MGMT: variants seen among roughly 807,000 people sequenced by gnomAD.
MGMT encodes the protein O-6-methylguanine-DNA methyltransferase.
Under a neutral mutation model 15.9 loss-of-function variants are expected in MGMT, and 14 were observed. The ratio of observed to expected loss-of-function variants is 0.88; its 90% CI spans 0.58 to 1.37. The LOEUF is 1.37. Ranked by LOEUF, MGMT falls within the 40% of genes most tolerant of loss-of-function variation. The pLI, the probability that MGMT is intolerant of heterozygous loss-of-function variation, is 0.00. For synonymous variants in MGMT, 130 were observed against 118.2 expected, an observed-to-expected ratio of 1.10 and a Z score of -0.65; for missense variants, 282 against 268.1, an observed-to-expected ratio of 1.05 and a Z score of -0.36.
At chr10:129,536,929 G>A (rs1322652725) in intron 2 of MGMT, 1 of 152,288 alleles carries the variant, frequency 6.6e-6, no homozygotes, top group East Asian at 1.9e-4. Flanking sequence ...CTGCCAGGGG[G>A]AAGGGCCCGA....
At position 129,766,863 on chromosome 10, in the gene MGMT, G is replaced by A. The variant is rs373120552; in HGVS notation, c.490G>A (p.Val164Met). Residue 164 changes from valine (V) to methionine (M), a missense_variant, in exon 5 of 5, where the codon GTG becomes ATG. Coordinates refer to ENST00000651593, the MANE Select transcript of MGMT (RefSeq NM_002412.5). ...AVGNYSGGLA[V>M]KEWLLAHEGH... ...GGGCAACTACTCCGGAGGACTGGCC[G>A]TGAAGGAATGGCTTCTGGCCCATGA... is the stretch of plus-strand genomic sequence containing the variant. 3.7e-5 allele frequency: 60 copies of A among 1,613,690 alleles called. No homozygotes were observed. Among genetic ancestry groups the A allele is most frequent in the African/African-American group, 1.5e-4 (11 of 74,954 alleles).
At chr10:129,747,899 T>G (rs1487402326) in intron 3 of MGMT, among the ~76,000 whole-genome samples, 3 of 152,192 alleles carry the variant, frequency 2.0e-5, no homozygotes, top group African/African-American at 7.2e-5. Context: ...TTCTCATGAT[T>G]TGACTGGAGT....
intron 2 of MGMT, among the ~76,000 whole-genome samples, chr10:129,673,394 T>C (rs1847747611): frequency 6.6e-6 from 1 of 152,228 alleles, no homozygotes; most frequent in Admixed American, 6.5e-5. Context: ...AGCATTTCTC[T>C]GCAACAAGCA....
chr10:129,594,910 C>A (rs907488938), intron 2 of MGMT, among the ~76,000 whole-genome samples: 1 of 152,210 alleles, frequency 6.6e-6, no homozygotes, highest in Admixed American at 6.5e-5. Flanking sequence ...TGCCGGCACA[C>A]CCGTCACGCC....
chr10:129,628,338 A>C (rs183304508), intron 2 of MGMT, among the ~76,000 whole-genome samples: 25 of 152,366 alleles, frequency 1.6e-4, no homozygotes, highest in African/African-American at 6.0e-4. Context: ...ACTAGGAAGA[A>C]GTTCCAGTGA....
rs1845391912 is a variant in MGMT at position 129,484,790 on chromosome 10, CATG to C, written c.-13+17495_-13+17497del. ...AATTGTTTGTATCCTTTCAAGGTAT[CATG>C]CTTTTTTTAAAAAAAGGTTTTGTTA... is the stretch of plus-strand genomic sequence containing the variant. On this transcript the variant is annotated intron_variant, in intron 1 of 4. Transcript: ENST00000651593. Among the ~76,000 whole-genome samples the C allele has an allele frequency of 7.2e-5, 11 of 152,214 alleles. No individual in the cohort carries two copies. The East Asian group carries it at 2.1e-3, about 29-fold the overall frequency.
At chr10:129,687,699 T>C (rs965951148) in intron 2 of MGMT, among the ~76,000 whole-genome samples, 175 of 65,762 alleles carry the variant, frequency 2.7e-3, no homozygotes, top group African/African-American at 8.9e-3. Context: ...TGTGTAGCCC[T>C]TTTTTTTTTT....
chr10:129,563,075 A>T (rs1846298736), intron 2 of MGMT, among the ~76,000 whole-genome samples: 1 of 152,208 alleles, frequency 6.6e-6, no homozygotes, highest in African/African-American at 2.4e-5. Context: ...GCCCAACTGT[A>T]GCTAATTCAA....
chr10:129,518,063 C>T (rs553803090), intron 1 of MGMT, among the ~76,000 whole-genome samples: 6 of 152,130 alleles, frequency 3.9e-5, no homozygotes, highest in Admixed American at 6.5e-5. Context: ...CTGTCTCCAT[C>T]GTCCTTTGGG....
intron 1 of MGMT, among the ~76,000 whole-genome samples, chr10:129,529,243 C>T (rs1261927895): frequency 6.6e-6 from 1 of 152,004 alleles, no homozygotes; most frequent in East Asian, 1.9e-4. Context: ...TGTGGGCCTG[C>T]CGAATTTGGG....
intron 2 of MGMT, among the ~76,000 whole-genome samples, chr10:129,565,781 C>A (rs1846347895): frequency 6.6e-6 from 1 of 152,130 alleles, no homozygotes; most frequent in South Asian, 2.1e-4. Context: ...ACTGTGAGAT[C>A]CTGGTGATCT....
chr10:129,472,756 C>T lies in MGMT; in HGVS notation c.-13+5460C>T, dbSNP rs374360731. Among the ~76,000 whole-genome samples the T allele has an allele frequency of 1.1e-4, 17 of 152,312 alleles. 1 individual carries two copies. The East Asian group carries it at 3.1e-3, about 28-fold the overall frequency. On this transcript the variant is annotated intron_variant, in intron 1 of 4. Coordinates refer to ENST00000651593, the MANE Select transcript of MGMT (RefSeq NM_002412.5). ...CGGTTGGTGTTTGCGGATGCAGAGT[C>T]GCTCTGTTTTGGTGGAGGCAGGACT...
chr10:129,536,328 C>G lies in MGMT; in HGVS notation c.76C>G (p.Gln26Glu). 1 of 1,614,094 alleles carries G rather than the reference C, an allele frequency of 6.2e-7. No homozygotes were observed. The highest frequency in any genetic ancestry group is 8.5e-7 in the Non-Finnish European group (1 of 1,180,014). The change falls in exon 2 of 5, where the codon CAG becomes GAG. Residue 26 changes from glutamine to glutamate, a missense_variant. Gln to Glu is a conservative substitution (Grantham distance 29). Coordinates refer to ENST00000651593, the MANE Select transcript of MGMT (RefSeq NM_002412.5). ...LGKLELSGCE[Q>E]GLHEIKLLGK... Reference sequence around the variant, plus strand: ...GAAGCTGGAGCTGTCTGGTTGTGAGCAGGGTCTGCACGAAATAAAGCTCCT... The same window carrying G: ...GAAGCTGGAGCTGTCTGGTTGTGAGGAGGGTCTGCACGAAATAAAGCTCCT...
intron 2 of MGMT, among the ~76,000 whole-genome samples, chr10:129,596,094 C>T (rs1025909983): frequency 2.7e-5 from 4 of 146,110 alleles, no homozygotes; most frequent in East Asian, 1.9e-4. Flanking sequence ...CCCCCTGCCC[C>T]GCCCTGCCCC....
At chr10:129,606,216 A>G (rs1038335638) in intron 2 of MGMT, among the ~76,000 whole-genome samples, 3 of 152,244 alleles carry the variant, frequency 2.0e-5, no homozygotes, top group Non-Finnish European at 2.9e-5. Context: ...CGAAACTTGC[A>G]TTGTGGGATT....
At chr10:129,685,783 G>C (rs184910960) in intron 2 of MGMT, among the ~76,000 whole-genome samples, 1 of 152,318 alleles carries the variant, frequency 6.6e-6, no homozygotes, top group East Asian at 1.9e-4. Flanking sequence ...CTGGAGATGG[G>C]CAGGTACACC....
intron 2 of MGMT, among the ~76,000 whole-genome samples, chr10:129,619,312 C>A (rs370280985): frequency 3.1e-4 from 47 of 152,204 alleles, no homozygotes; most frequent in African/African-American, 9.4e-4. Flanking sequence ...GTGCCACTTG[C>A]TTTGAGAAAT....
chr10:129,581,232 C>G (rs993725732), intron 2 of MGMT, among the ~76,000 whole-genome samples: 1 of 152,172 alleles, frequency 6.6e-6, no homozygotes, highest in Non-Finnish European at 1.5e-5. Context: ...TTCATTCCAT[C>G]CGCTGTGGCT....
At chr10:129,523,527 G>A (rs11813530) in intron 1 of MGMT, among the ~76,000 whole-genome samples, 11,776 of 152,188 alleles carry the variant, frequency 0.077, 742 homozygotes, top group African/African-American at 0.16. Flanking sequence ...TCATAGGCGG[G>A]TCTCGAAGCC....
Sources: gnomAD v4.1 joint callset for allele counts (sites outside exome capture counted in the v4.1 genomes callset) on GRCh38, gnomAD v4.1.1 for gene constraint, MANE v1.5 for transcripts, NCBI Gene and HGNC (gene_info 2026-07-23, HGNC 2026-07-21) for gene names.